The following C19orf47 variants were observed in gnomAD, a reference collection of about 807,000 sequenced individuals.
The protein encoded by C19orf47 is chromosome 19 open reading frame 47, also known as uncharacterized protein C19orf47.
A neutral mutation model predicts 32.3 loss-of-function variants in C19orf47; 18 were observed. The observed-to-expected ratio is 0.56, with a 90% CI of 0.39 to 0.83. The LOEUF is 0.83. Ranked by LOEUF, C19orf47 falls within the 40% of genes least tolerant of loss-of-function variation. C19orf47 has a pLI of 0.00. For missense variants in C19orf47, 484 were observed against 531.6 expected (o/e 0.91, Z 0.88); for synonymous variants, 202 against 211.1 (o/e 0.96, Z 0.37).
chr19:40,292,977 T>C, the C19orf47 span, among the ~76,000 whole-genome samples: 174 of 152,166 alleles, frequency 1.1e-3, no homozygotes, highest in Non-Finnish European at 2.1e-3. Flanking sequence ...TTATTCACCA[T>C]ACACCTCCTC....
rs765594980 is a variant in C19orf47, at chr19:40,322,087, C to T, written c.953G>A (p.Arg318Lys). ...ESLSKVSIIK[R>K]LGAAALVPEA... ...GGGCACAAGGGCAGCTGCGCCCAGTCTCTTGATGATGCTGACTTTAGACAA... is the reference window on the plus strand; with the variant it reads ...GGGCACAAGGGCAGCTGCGCCCAGTTTCTTGATGATGCTGACTTTAGACAA... The change falls in exon 9 of 9, where the codon AGA becomes AAA. Residue 318 changes from arginine (R) to lysine (K), a missense_variant. Coordinates refer to ENST00000683109, the MANE Select transcript of C19orf47 (RefSeq NM_001256441.2). 1.8e-5 allele frequency: 29 copies of T among 1,614,086 alleles called. No individual in the cohort carries two copies. Among genetic ancestry groups the T allele is most frequent in the Admixed American group, 1.0e-4 (6 of 60,012 alleles).
At chr19:40,306,007 C>T in the C19orf47 span, among the ~76,000 whole-genome samples, 13 of 151,858 alleles carry the variant, frequency 8.6e-5, no homozygotes, top group Non-Finnish European at 1.5e-4. Flanking sequence ...AAAAATTAGC[C>T]GGACGTGGTG....
the C19orf47 span, among the ~76,000 whole-genome samples, chr19:40,314,026 T>C: frequency 6.6e-6 from 1 of 152,064 alleles, no homozygotes; most frequent in Non-Finnish European, 1.5e-5. Context: ...TGTTCTGCAA[T>C]TAAAAGGACC....
At chr19:40,295,751 CG>C in the C19orf47 span, among the ~76,000 whole-genome samples, 1 of 149,548 alleles carries the variant, frequency 6.7e-6, no homozygotes, top group African/African-American at 2.5e-5. Context: ...TATTTATTTA[CG>C]TATTTATTTA....
At chr19:40,303,748 G>A in the C19orf47 span, among the ~76,000 whole-genome samples, 2 of 140,556 alleles carry the variant, frequency 1.4e-5, no homozygotes, top group Admixed American at 7.6e-5. Flanking sequence ...AGGTTGCAAT[G>A]AGCCGAGATC....
intron 1 of C19orf47, 174 bp from the exon 2 acceptor site, chr19:40,342,064 C>T (rs2078188922): frequency 1.0e-6 from 1 of 985,392 alleles, no homozygotes; most frequent in Non-Finnish European, 1.2e-6. Context: ...GCTGCCACCA[C>T]CATCATCGCT....
At chr19:40,303,970 T>C in the C19orf47 span, among the ~76,000 whole-genome samples, 2 of 152,140 alleles carry the variant, frequency 1.3e-5, no homozygotes, top group African/African-American at 4.8e-5. Context: ...GCTCAGAAAC[T>C]AGTTTACAGA....
At chr19:40,314,925 A>C (rs2145490689), downstream of C19orf47, among the ~76,000 whole-genome samples, 1 of 152,212 alleles carries the variant, frequency 6.6e-6, no homozygotes, top group East Asian at 1.9e-4. Context: ...ACTCCAGTGT[A>C]ATCATGAGAA....
chr19:40,318,361 C>T (rs1252605353), downstream of C19orf47, among the ~76,000 whole-genome samples: 3 of 152,204 alleles, frequency 2.0e-5, no homozygotes, highest in East Asian at 5.8e-4. Flanking sequence ...GTTAACTCCC[C>T]TCTCTGTGCC....
At chr19:40,311,402 C>A in the C19orf47 span, among the ~76,000 whole-genome samples, 36 of 150,758 alleles carry the variant, frequency 2.4e-4, no homozygotes, top group African/African-American at 8.5e-4. Context: ...ATTAGCCAAA[C>A]GTGGTGGCAC....
the C19orf47 span, among the ~76,000 whole-genome samples, chr19:40,305,195 T>G: frequency 2.0e-5 from 3 of 151,916 alleles, no homozygotes; most frequent in Admixed American, 6.6e-5. Flanking sequence ...ATACAAAAAT[T>G]AGCCAGGCGT....
intron 2 of C19orf47, among the ~76,000 whole-genome samples, chr19:40,338,720 G>A (rs2078119840): frequency 1.3e-5 from 2 of 151,838 alleles, no homozygotes. Context: ...GTTTTGCCAT[G>A]TTGCCTAGGC....
At chr19:40,326,171 T>TC (rs150664879) in intron 7 of C19orf47, among the ~76,000 whole-genome samples, 163 bp downstream of exon 7, 1 of 152,294 alleles carries the variant, frequency 6.6e-6, no homozygotes, top group East Asian at 1.9e-4. Flanking sequence ...GTGATGTATT[T>TC]CCCTCCTCTG....
chr19:40,304,061 G>A, the C19orf47 span, among the ~76,000 whole-genome samples: 2 of 152,118 alleles, frequency 1.3e-5, no homozygotes, highest in African/African-American at 4.8e-5. Flanking sequence ...GCCTGACTGT[G>A]ATGGCAGCCC....
rs2077725770 is a variant in C19orf47, at chr19:40,321,922, G to A, written c.1118C>T (p.Thr373Ile). The change falls in exon 9 of 9, where the codon ACT becomes ATT. Residue 373 changes from threonine to isoleucine, a missense_variant. Transcript: ENST00000683109. ...GCCCAGTCTTTTGAACACGCTCACA[G>A]TGCCCGCGTGGTCCATCTGGGCACC... ...GLGAQMDHAG[T>I]VSVFKRLGRR... The A allele has an allele frequency of 6.2e-7, 1 of 1,612,758 alleles. No individual in the cohort carries two copies. Among genetic ancestry groups the A allele is most frequent in the African/African-American group, 1.3e-5 (1 of 74,924 alleles).
chr19:40,348,127 C>T (rs1272455000), intron 1 of C19orf47, among the ~76,000 whole-genome samples, 197 bp downstream of exon 1: 2 of 152,206 alleles, frequency 1.3e-5, no homozygotes, highest in Admixed American at 6.5e-5. Context: ...CACGACCTGA[C>T]TTCTCACTCC....
chr19:40,297,751 G>C, the C19orf47 span, among the ~76,000 whole-genome samples: 1 of 150,902 alleles, frequency 6.6e-6, no homozygotes, highest in Non-Finnish European at 1.5e-5. Flanking sequence ...GCGGGCACCT[G>C]TACTCCCAGC....
At chr19:40,322,735 C>T (rs1441577518) in intron 8 of C19orf47, among the ~76,000 whole-genome samples, 1 of 152,178 alleles carries the variant, frequency 6.6e-6, no homozygotes, top group African/African-American at 2.4e-5. Context: ...TCATTCACTC[C>T]ACGAATATTT....
chr19:40,315,758 C>T (rs894031703), downstream of C19orf47, among the ~76,000 whole-genome samples: 39 of 147,454 alleles, frequency 2.6e-4, 1 homozygote, highest in African/African-American at 9.3e-4. Context: ...CCAGCCTGGG[C>T]GAGAGAGTGA....
Sources: allele counts gnomAD v4.1 joint callset (sites outside exome capture counted in the v4.1 genomes callset), GRCh38; gene constraint gnomAD v4.1.1; transcripts MANE v1.5; gene names NCBI Gene and HGNC (gene_info 2026-07-23, HGNC 2026-07-21).